Variants in ELP1 observed in about 807,000 individuals in gnomAD.
ELP1 encodes elongator complex protein 1.
In ELP1, 131 loss-of-function variants were observed where a neutral mutation model predicts 183.2. That is an observed-to-expected ratio of 0.72 (90% CI 0.62 to 0.83). The LOEUF (loss-of-function observed/expected upper bound fraction) is 0.83. ELP1 is among the 40% of genes least tolerant of loss of function. The pLI, the probability that ELP1 is intolerant of heterozygous loss-of-function variation, is 0.00. For synonymous variants in ELP1, 555 were observed against 569.0 expected (o/e 0.98, Z 0.35); for missense variants, 1,550 against 1,594.9 (o/e 0.97, Z 0.48).
rs2132031229 is a variant in ELP1 at position 108,919,242 on chromosome 9, T to C, written c.649+11A>G. On this transcript the variant is annotated intron_variant, in intron 7 of 36. Coordinates refer to ENST00000374647, the MANE Select transcript of ELP1 (RefSeq NM_003640.5). ...TTTTTATTGTTGTTTAACTGCAATA[T>C]ATTTCCATACCTGTTTCTGGGCAAA... The C allele has an allele frequency of 4.4e-6, 7 of 1,592,578 alleles. No homozygotes were observed. Among genetic ancestry groups the C allele is most frequent in the Non-Finnish European group, 6.0e-6 (7 of 1,160,732 alleles).
intron 34 of ELP1, among the ~76,000 whole-genome samples, 189 bp downstream of exon 34, chr9:108,878,434 G>C (rs751193171): frequency 4.6e-5 from 7 of 152,184 alleles, no homozygotes; most frequent in Non-Finnish European, 8.8e-5. Flanking sequence ...ATGGAGGAAG[G>C]CTTCTCAGTT....
At chr9:108,915,686 C>T (rs1829404293) in intron 10 of ELP1, among the ~76,000 whole-genome samples, 1 of 151,620 alleles carries the variant, frequency 6.6e-6, no homozygotes. Flanking sequence ...CCTCTCTCAC[C>T]GTCTCTCTAT....
At chr9:108,912,767 T>A (rs79723995) in intron 10 of ELP1, among the ~76,000 whole-genome samples, 8 of 151,020 alleles carry the variant, frequency 5.3e-5, no homozygotes, top group African/African-American at 1.5e-4. Flanking sequence ...TTTTTTTTTT[T>A]TTATTGACAC....
chr9:108,914,638 T>A (rs1213529490), intron 10 of ELP1, among the ~76,000 whole-genome samples: 1 of 152,164 alleles, frequency 6.6e-6, no homozygotes, highest in Non-Finnish European at 1.5e-5. Context: ...TTTTTTGTTT[T>A]GTTTTGAGAC....
chr9:108,915,936 G>A (rs866431358), intron 10 of ELP1, among the ~76,000 whole-genome samples: 12 of 151,702 alleles, frequency 7.9e-5, no homozygotes, highest in South Asian at 2.1e-4. Context: ...GGATTTTGGC[G>A]TCCATGGGCA....
chr9:108,912,538 A>G, intron 10 of ELP1, 44 bp from the exon 11 acceptor site: 1 of 1,426,382 alleles, frequency 7.0e-7, no homozygotes, highest in East Asian at 2.3e-5. Flanking sequence ...GCTGGGAAGC[A>G]GACTTCATCC....
chr9:108,912,272 A>T lies in ELP1; in HGVS notation c.1181T>A (p.Ile394Asn). The change falls in exon 11 of 37, where the codon ATT becomes AAT. Residue 394 changes from isoleucine to asparagine, a missense_variant. Coordinates refer to ENST00000374647, the MANE Select transcript of ELP1 (RefSeq NM_003640.5). ...NSSDLSNVAV[I>N]DGNRVLVTVF... The stretch of plus-strand genomic sequence containing the variant: ...ACTTCCCAGGAGCTTACTTCCATCA[A>T]TGACAGCCACATTGGACAAGTCACT... 1 of 1,613,720 alleles carries T rather than the reference A, an allele frequency of 6.2e-7. No homozygotes were observed. Among genetic ancestry groups the T allele is most frequent in the Non-Finnish European group, 8.5e-7 (1 of 1,179,654 alleles).
At chr9:108,921,428 G>T (rs988048871) in intron 6 of ELP1, among the ~76,000 whole-genome samples, 8 of 152,168 alleles carry the variant, frequency 5.3e-5, no homozygotes, top group African/African-American at 1.9e-4. Context: ...GTCATAACAT[G>T]TATGAGTAAA....
intron 18 of ELP1, among the ~76,000 whole-genome samples, chr9:108,900,912 C>T (rs1259018169): frequency 2.3e-4 from 19 of 82,614 alleles, no homozygotes; most frequent in Middle Eastern, 6.6e-3. Flanking sequence ...ATACACGCCA[C>T]ACACACATAC....
In ELP1 at chr9:108,877,977, G is replaced by A. The variant is rs557015443; in HGVS notation, c.3855+18C>T. 1.8e-4 allele frequency: 287 copies of A among 1,613,828 alleles called. 2 individuals carry two copies. The South Asian group carries it at 2.7e-3, about 15-fold the overall frequency. On this transcript the variant is annotated intron_variant, in intron 35 of 36. Coordinates refer to ENST00000374647, the MANE Select transcript of ELP1 (RefSeq NM_003640.5). ...GAAAATGATGAAAAAAATGCACACC[G>A]TCTCTGAGAAAACTTACCGGGGTAG...
intron 1 of ELP1, among the ~76,000 whole-genome samples, chr9:108,932,704 C>A (rs1228530215): frequency 6.6e-6 from 1 of 152,024 alleles, no homozygotes; most frequent in African/African-American, 2.4e-5. Flanking sequence ...AATTTCACAC[C>A]CATCAGCCTT....
At position 108,903,592 on chromosome 9, in the gene ELP1, G is replaced by A. The variant is rs35455790; in HGVS notation, c.1721C>T (p.Ala574Val). The A allele has an allele frequency of 8.8e-4, 1,420 of 1,613,558 alleles. 19 individuals are homozygous for A. In the African/African-American group the frequency reaches 0.017, roughly 19 times the overall value. Residue 574 changes from alanine (A) to valine (V), a missense_variant, in exon 15 of 37, where the codon GCT (alanine) becomes GTT (valine). Ala to Val is a moderately conservative substitution (Grantham distance 64, BLOSUM62 0). Coordinates refer to ENST00000374647, the MANE Select transcript of ELP1 (RefSeq NM_003640.5). ...SKTKSVVLQL[A>V]DGQIFKYLWE... ...AAGGTACTTAAATATCTGGCCATCA[G>A]CCAGCTGTAATACTACTGACTTGGT...
chr9:108,884,000 TAA>T (rs1031586780), intron 29 of ELP1, among the ~76,000 whole-genome samples: 1 of 143,434 alleles, frequency 7.0e-6, no homozygotes, highest in Admixed American at 7.0e-5. Flanking sequence ...AAATTAGATT[TAA>T]AAAAAAAAAA....
At chr9:108,891,645 A>G (rs1253157754) in intron 27 of ELP1, among the ~76,000 whole-genome samples, 1 of 152,242 alleles carries the variant, frequency 6.6e-6, no homozygotes, top group Non-Finnish European at 1.5e-5. Context: ...GGCAGTATGG[A>G]TACTACAGCA....
intron 20 of ELP1, 84 bp downstream of exon 20, chr9:108,899,738 G>A (rs1828696734): frequency 5.4e-6 from 6 of 1,101,870 alleles, no homozygotes; most frequent in African/African-American, 3.1e-5. Flanking sequence ...ATAATTTTAA[G>A]TTCTCGAAAT....
chr9:108,892,062 G>A (rs1251913600), intron 27 of ELP1, among the ~76,000 whole-genome samples: 1 of 152,208 alleles, frequency 6.6e-6, no homozygotes, highest in Non-Finnish European at 1.5e-5. Flanking sequence ...GAGATTCAGA[G>A]AGGAATACAA....
chr9:108,915,961 C>T (rs1472820869), intron 10 of ELP1, among the ~76,000 whole-genome samples: 1 of 151,996 alleles, frequency 6.6e-6, no homozygotes, highest in Admixed American at 6.6e-5. Context: ...TAGAACTAAT[C>T]CCCCGAGAAT....
intron 29 of ELP1, among the ~76,000 whole-genome samples, chr9:108,884,984 G>C (rs1179580348): frequency 1.3e-5 from 2 of 152,068 alleles, no homozygotes; most frequent in Non-Finnish European, 2.9e-5. Flanking sequence ...TGGAGGCTGA[G>C]GGGGGAGGAC....
chr9:108,874,412 T>C (rs868087126), intron 36 of ELP1, among the ~76,000 whole-genome samples: 2 of 152,214 alleles, frequency 1.3e-5, no homozygotes, highest in Non-Finnish European at 2.9e-5. Flanking sequence ...ACAGGAAATA[T>C]GTATAAAATG....
Sources: allele counts gnomAD v4.1 joint callset (sites outside exome capture counted in the v4.1 genomes callset), GRCh38; gene constraint gnomAD v4.1.1; transcripts MANE v1.5; gene names NCBI Gene and HGNC (gene_info 2026-07-23, HGNC 2026-07-21).